The following COP1 variants were observed in gnomAD, a reference collection of about 807,000 sequenced individuals.
COP1 encodes COP1 E3 ubiquitin ligase, also known as E3 ubiquitin-protein ligase COP1.
Under a neutral mutation model 101.3 loss-of-function variants are expected in COP1, and 24 were observed. The ratio of observed to expected loss-of-function variants is 0.24; its 90% CI spans 0.17 to 0.33. COP1 has a LOEUF of 0.33. COP1 is among the 10% of genes least tolerant of loss of function. The probability of loss-of-function intolerance (pLI) is 1.00; values close to 1 mark genes in which losing one functional copy is unlikely to be tolerated. For missense variants in COP1, 663 were observed against 906.2 expected (o/e 0.73, Z 3.45); for synonymous variants, 347 against 341.9 (o/e 1.01, Z -0.17).
chr1:176,203,320 GAGC>G (rs1326436411), intron 1 of COP1, among the ~76,000 whole-genome samples: 2 of 152,038 alleles, frequency 1.3e-5, no homozygotes, highest in Non-Finnish European at 2.9e-5. Context: ...CTGGGCAGCA[GAGC>G]GAGACTCCGT....
At chr1:176,099,988 T>C (rs1393350845) in intron 9 of COP1, among the ~76,000 whole-genome samples, 1 of 152,206 alleles carries the variant, frequency 6.6e-6, no homozygotes, top group East Asian at 1.9e-4. Context: ...AAAAGGCCTA[T>C]GTAAAAATAA....
At chr1:176,205,200 TTTATTAGC>T (rs1282738339) in intron 1 of COP1, among the ~76,000 whole-genome samples, 71 of 152,326 alleles carry the variant, frequency 4.7e-4, no homozygotes, top group Middle Eastern at 3.4e-3. Flanking sequence ...CCCACTTTGT[TTTATTAGC>T]TTATTAGCTA....
intron 9 of COP1, among the ~76,000 whole-genome samples, chr1:176,097,051 C>T (rs575369667): frequency 6.6e-6 from 1 of 152,250 alleles, no homozygotes; most frequent in Non-Finnish European, 1.5e-5. Context: ...TTCTTTGAGC[C>T]TTTAGTAAAG....
chr1:175,962,222 CCTT>C (rs1651462305), intron 18 of COP1, among the ~76,000 whole-genome samples: 1 of 152,018 alleles, frequency 6.6e-6, no homozygotes, highest in South Asian at 2.1e-4. Flanking sequence ...TTTCTGCTCT[CCTT>C]CTATCTGCCT....
intron 2 of COP1, among the ~76,000 whole-genome samples, chr1:176,178,889 G>A (rs1697345181): frequency 6.6e-6 from 1 of 151,590 alleles, no homozygotes. Context: ...TAAGAGACAT[G>A]CCGGGCTGGG....
Position 175,987,030 on chromosome 1 carries a change from T to C in COP1, c.2046A>G (p.Thr682=), listed in dbSNP as rs757684879. Residue 682 remains threonine, a synonymous_variant, in exon 18 of 20, where the codon ACA becomes ACG. Transcript: ENST00000367669. ...GGTCTTTGTCGAGAACACTTTTGAC[T>C]GTATCAAACTTAAAAGTTAGCAAAG... ...SKTLLTFKFD[T]VKSVLDKDRK... 86 of 1,609,042 alleles carry C rather than the reference T, an allele frequency of 5.3e-5. No individual in the cohort carries two copies. The highest frequency in any genetic ancestry group is 6.3e-5 in the Non-Finnish European group (74 of 1,176,210).
At chr1:176,187,339 T>C (rs1698592146) in intron 1 of COP1, among the ~76,000 whole-genome samples, 1 of 152,078 alleles carries the variant, frequency 6.6e-6, no homozygotes, top group African/African-American at 2.4e-5. Context: ...TACACATATA[T>C]ACACACATAT....
At chr1:176,036,600 T>C (rs1046989470) in intron 14 of COP1, among the ~76,000 whole-genome samples, 3 of 151,474 alleles carry the variant, frequency 2.0e-5, no homozygotes, top group East Asian at 1.9e-4. Flanking sequence ...GCTCAACTTA[T>C]GATTTTTTGA....
At chr1:176,203,305 C>A (rs943927202) in intron 1 of COP1, among the ~76,000 whole-genome samples, 1 of 152,102 alleles carries the variant, frequency 6.6e-6, no homozygotes, top group Admixed American at 6.5e-5. Flanking sequence ...CCACTGCACT[C>A]CAGCCTGGGC....
At chr1:175,963,480 CA>C (rs1558165752) in intron 18 of COP1, among the ~76,000 whole-genome samples, 1 of 152,074 alleles carries the variant, frequency 6.6e-6, no homozygotes. Flanking sequence ...GTTCTAATTC[CA>C]ACTGTATCCC....
intron 14 of COP1, among the ~76,000 whole-genome samples, chr1:176,028,118 A>G (rs372692127): frequency 1.3e-5 from 2 of 152,076 alleles, no homozygotes; most frequent in Admixed American, 6.6e-5. Context: ...CTATGATTCA[A>G]TTATCTCCAC....
chr1:175,993,509 G>T (rs529997423), intron 15 of COP1, among the ~76,000 whole-genome samples: 1 of 152,106 alleles, frequency 6.6e-6, no homozygotes, highest in Non-Finnish European at 1.5e-5. Flanking sequence ...AAATTTAGAC[G>T]AATGTATAAC....
Position 175,986,943 on chromosome 1 carries a change from C to T in COP1, c.2133G>A (p.Gly711=). 3 of 1,582,368 alleles carry T rather than the reference C, an allele frequency of 1.9e-6. No homozygotes were observed. Among genetic ancestry groups the T allele is most frequent in the Middle Eastern group, 1.7e-4 (1 of 5,892 alleles). The change falls in exon 18 of 20, where the codon GGG becomes GGA. Residue 711 remains glycine (G), a splice_region_variant and synonymous_variant. Coordinates refer to ENST00000367669, the MANE Select transcript of COP1 (RefSeq NM_022457.7). ...SAVCWRALPD[G]ESNVLIAANS... ...TGAAAAAACTGATATGAAAACTTAC[C>T]CCATCTGGTAGTGCCCTCCAGCACA...
At chr1:176,025,683 A>G (rs1471987248) in intron 15 of COP1, among the ~76,000 whole-genome samples, 1 of 152,074 alleles carries the variant, frequency 6.6e-6, no homozygotes, top group Non-Finnish European at 1.5e-5. Context: ...TGAGCCCAGG[A>G]GTTTGAGAAC....
At chr1:176,188,611 T>C (rs1265277726) in intron 1 of COP1, among the ~76,000 whole-genome samples, 1 of 152,158 alleles carries the variant, frequency 6.6e-6, no homozygotes, top group Non-Finnish European at 1.5e-5. Context: ...TTTGGTAATT[T>C]TCACAATATT....
chr1:176,183,958 T>C (rs1244777001), intron 2 of COP1, among the ~76,000 whole-genome samples: 1 of 152,098 alleles, frequency 6.6e-6, no homozygotes, highest in African/African-American at 2.4e-5. Flanking sequence ...GGAATTGTTG[T>C]TTAATGAGTG....
At chr1:176,149,680 G>C (rs1223831041) in intron 5 of COP1, among the ~76,000 whole-genome samples, 1 of 152,028 alleles carries the variant, frequency 6.6e-6, no homozygotes, top group Non-Finnish European at 1.5e-5. Flanking sequence ...ATTGAGACAA[G>C]GATAGAACAG....
chr1:176,055,972 A>T (rs1217976340), intron 11 of COP1, among the ~76,000 whole-genome samples: 3 of 151,942 alleles, frequency 2.0e-5, no homozygotes, highest in Non-Finnish European at 4.4e-5. Context: ...ATTCCTTTAG[A>T]GTAAGGAGTT....
chr1:176,182,561 C>T (rs1435419313), intron 2 of COP1, among the ~76,000 whole-genome samples: 1 of 152,194 alleles, frequency 6.6e-6, no homozygotes, highest in Non-Finnish European at 1.5e-5. Context: ...AAAGAATTAT[C>T]TGGTCTAATA....
Sources: gnomAD v4.1 joint callset for allele counts (sites outside exome capture counted in the v4.1 genomes callset) on GRCh38, gnomAD v4.1.1 for gene constraint, MANE v1.5 for transcripts, NCBI Gene and HGNC (gene_info 2026-07-23, HGNC 2026-07-21) for gene names.